TAFA2: variants seen among roughly 807,000 people sequenced by gnomAD.
TAFA2 encodes the protein chemokine-like protein TAFA-2.
TAFA2 carries 7 observed loss-of-function variants against 18.8 expected under a neutral mutation model. The ratio of observed to expected loss-of-function variants is 0.37; its 90% confidence interval spans 0.21 to 0.70. The LOEUF (loss-of-function observed/expected upper bound fraction) is 0.70, where lower values mean the gene tolerates loss of function less well. Among genes scored for constraint, TAFA2 ranks in the 30% least tolerant of loss-of-function variants. The pLI, the probability that TAFA2 is intolerant of heterozygous loss-of-function variation, is 0.53. For synonymous variants in TAFA2, 60 were observed against 54.2 expected (o/e 1.11, Z -0.47); for missense variants, 122 against 158.1 (o/e 0.77, Z 1.23).
chr12:62,093,655 G>A (rs555909751), intron 1 of TAFA2, among the ~76,000 whole-genome samples: 2 of 152,092 alleles, frequency 1.3e-5, no homozygotes, highest in African/African-American at 4.8e-5. Flanking sequence ...CCACATTCCA[G>A]TGTTGGTGTC....
At chr12:61,725,446 G>C (rs1004143210) in intron 4 of TAFA2, among the ~76,000 whole-genome samples, 3 of 151,868 alleles carry the variant, frequency 2.0e-5, no homozygotes, top group Non-Finnish European at 2.9e-5. Context: ...GATCCATCTT[G>C]GGTTGATTTT....
intron 4 of TAFA2, among the ~76,000 whole-genome samples, chr12:61,728,270 G>GT (rs777918597): frequency 1.9e-4 from 29 of 151,972 alleles, no homozygotes; most frequent in Non-Finnish European, 2.8e-4. Flanking sequence ...TAAGTCCATT[G>GT]TTTTTTTGTT....
intron 1 of TAFA2, chr12:61,879,473 G>T: frequency 1.4e-6 from 1 of 693,958 alleles, no homozygotes; most frequent in Non-Finnish European, 2.6e-6. Flanking sequence ...GGCCTGGGTG[G>T]AGGCTTTGGC....
intron 2 of TAFA2, among the ~76,000 whole-genome samples, chr12:61,806,943 G>A (rs1050610168): frequency 2.6e-5 from 4 of 152,160 alleles, no homozygotes; most frequent in Non-Finnish European, 5.9e-5. Context: ...AAGGGAAGCA[G>A]AGCATAAAAG....
At chr12:61,781,214 A>G (rs1870488821) in intron 2 of TAFA2, among the ~76,000 whole-genome samples, 1 of 151,696 alleles carries the variant, frequency 6.6e-6, no homozygotes, top group African/African-American at 2.4e-5. Flanking sequence ...ACTGGGGAGC[A>G]GGAAGCCTGA....
intron 2 of TAFA2, among the ~76,000 whole-genome samples, chr12:61,762,650 T>TATATATAC (rs1460042477): frequency 1.3e-5 from 2 of 150,256 alleles, no homozygotes; most frequent in South Asian, 4.2e-4. Flanking sequence ...TATATATATA[T>TATATATAC]ACATACACAT....
At chr12:61,757,544 A>C (rs1342408275) in intron 2 of TAFA2, among the ~76,000 whole-genome samples, 1 of 152,036 alleles carries the variant, frequency 6.6e-6, no homozygotes, top group Non-Finnish European at 1.5e-5. Context: ...GGCCGTCTTG[A>C]GTGATCTAAG....
At chr12:62,019,711 C>G (rs1881062748) in intron 1 of TAFA2, among the ~76,000 whole-genome samples, 2 of 151,206 alleles carry the variant, frequency 1.3e-5, no homozygotes, top group Non-Finnish European at 2.9e-5. Flanking sequence ...GGAGATATAC[C>G]TAATGTTAAA....
At chr12:61,736,731 G>A (rs1364162285) in intron 4 of TAFA2, among the ~76,000 whole-genome samples, 1 of 151,906 alleles carries the variant, frequency 6.6e-6, no homozygotes, top group East Asian at 1.9e-4. Flanking sequence ...CCCACATAGA[G>A]TAATTATTCT....
intron 1 of TAFA2, among the ~76,000 whole-genome samples, chr12:62,030,603 G>A (rs1881431753): frequency 6.6e-6 from 1 of 152,146 alleles, no homozygotes; most frequent in Non-Finnish European, 1.5e-5. Context: ...CTCTTGTCAG[G>A]CTTGCAGTGA....
intron 1 of TAFA2, among the ~76,000 whole-genome samples, chr12:61,999,976 C>G (rs931325733): frequency 6.6e-6 from 1 of 152,142 alleles, no homozygotes; most frequent in Admixed American, 6.6e-5. Flanking sequence ...AATTTTCATA[C>G]ATTTCCAAAG....
At chr12:61,867,272 G>A (rs1298073795) in intron 2 of TAFA2, 48 bp downstream of exon 2, 1 of 1,149,968 alleles carries the variant, frequency 8.7e-7, no homozygotes, top group Non-Finnish European at 1.3e-6. Context: ...CTGTGTTAAG[G>A]GTAGTCATCA....
chr12:61,764,467 T>C lies in TAFA2; in HGVS notation c.107-9443A>G, dbSNP rs1239692154. On this transcript the variant is annotated intron_variant, in intron 2 of 4. Coordinates refer to ENST00000416284, the MANE Select transcript of TAFA2 (RefSeq NM_178539.5). ...GGGAATGACCCAATGGGAGAAAGAG[T>C]GTTGAAAAGACAGATTCAGGATTGG... 2.0e-5 allele frequency among the ~76,000 whole-genome samples: 3 copies of C among 151,616 alleles called. No homozygotes were observed. The South Asian group carries it at 6.3e-4, about 32-fold the overall frequency.
intron 1 of TAFA2, among the ~76,000 whole-genome samples, chr12:62,146,484 G>A (rs927494003): frequency 6.6e-6 from 1 of 151,950 alleles, no homozygotes; most frequent in African/African-American, 2.4e-5. Context: ...GTTTCATCAT[G>A]TTGCCTAGGC....
At chr12:61,905,074 C>T (rs1462020914) in intron 1 of TAFA2, among the ~76,000 whole-genome samples, 1 of 152,134 alleles carries the variant, frequency 6.6e-6, no homozygotes, top group Non-Finnish European at 1.5e-5. Flanking sequence ...ATTTCTGGAT[C>T]TCTACTTTAT....
intron 1 of TAFA2, among the ~76,000 whole-genome samples, chr12:61,972,597 G>A (rs1177450394): frequency 6.6e-6 from 1 of 151,700 alleles, no homozygotes; most frequent in Non-Finnish European, 1.5e-5. Context: ...TAGAAATGGG[G>A]AAAGGACTAA....
At chr12:61,880,037 A>G (rs1413606657) in intron 1 of TAFA2, 2 of 713,750 alleles carry the variant, frequency 2.8e-6, no homozygotes, top group Non-Finnish European at 5.1e-6. Context: ...GCAGTCCCTG[A>G]TCTCGGACAC....
chr12:61,893,307 A>G (rs1240081249), intron 1 of TAFA2, among the ~76,000 whole-genome samples: 1 of 152,210 alleles, frequency 6.6e-6, no homozygotes, highest in Non-Finnish European at 1.5e-5. Flanking sequence ...GGAGGAAAGT[A>G]GGAGGAACAG....
At chr12:62,180,759 C>G (rs1373069878) in intron 1 of TAFA2, among the ~76,000 whole-genome samples, 1 of 151,480 alleles carries the variant, frequency 6.6e-6, no homozygotes, top group Non-Finnish European at 1.5e-5. Flanking sequence ...TCATTGAAGC[C>G]AAGAACAATG....
Sources: allele counts gnomAD v4.1 joint callset (sites outside exome capture counted in the v4.1 genomes callset), GRCh38; gene constraint gnomAD v4.1.1; transcripts MANE v1.5; gene names NCBI Gene and HGNC (gene_info 2026-07-23, HGNC 2026-07-21).